The following ZNF469 variants were observed in gnomAD, a reference collection of about 807,000 sequenced individuals.
ZNF469 encodes zinc finger protein 469.
ZNF469 carries 1 observed loss-of-function variant against 1.0 expected under a neutral mutation model. The observed-to-expected ratio is 1.00, with a 90% confidence interval of 0.35 to 4.73. The LOEUF (loss-of-function observed/expected upper bound fraction) is 4.73. Among genes scored for constraint, ZNF469 ranks in the 30% most tolerant of loss-of-function variants. The pLI is 0.16. For synonymous variants in ZNF469, 2,703 were observed against 2,363.4 expected, an observed-to-expected ratio of 1.14 and a Z score of -4.17; for missense variants, 6,100 against 5,356.3, an observed-to-expected ratio of 1.14 and a Z score of -4.33.
At chr16:88,296,677 C>A in the ZNF469 span, among the ~76,000 whole-genome samples, 6 of 152,042 alleles carry the variant, frequency 3.9e-5, no homozygotes, top group Admixed American at 1.3e-4. Flanking sequence ...CACTCATGCA[C>A]ACTCGTGCAC....
the ZNF469 span, among the ~76,000 whole-genome samples, chr16:88,377,489 C>T: frequency 1.3e-5 from 2 of 152,232 alleles, no homozygotes; most frequent in African/African-American, 4.8e-5. Flanking sequence ...CAGCTTTTTG[C>T]TCTCGACTGG....
At chr16:88,231,689 A>ACCT in the ZNF469 span, among the ~76,000 whole-genome samples, 1 of 150,712 alleles carries the variant, frequency 6.6e-6, no homozygotes, top group African/African-American at 2.4e-5. The surrounding 1 kb of genome is among the most constrained non-coding windows in gnomAD (Gnocchi z 4.5). Context: ...TCCTTCTCAC[A>ACCT]CCTCCTCCTC....
chr16:88,288,482 C>T, the ZNF469 span, among the ~76,000 whole-genome samples: 1 of 152,208 alleles, frequency 6.6e-6, no homozygotes, highest in Non-Finnish European at 1.5e-5. Context: ...ATCATCAAGG[C>T]TACACTCTAT....
In ZNF469 at chr16:88,438,749, A is replaced by G; in HGVS notation, c.11279A>G (p.Glu3760Gly). ...PQPASGQLQS[E>G]TATTPAKPSF... ...CCAGCCAGCGGGCAGCTCCAGAGCG[A>G]GACAGCCACCACCCCAGCCAAGCCC... is the stretch of plus-strand genomic sequence containing the variant. The change falls in exon 3 of 3, where the codon GAG (glutamate) becomes GGG (glycine). Residue 3760 changes from glutamate (E) to glycine (G), a missense_variant. By Grantham distance (98) the Glu-to-Gly change is moderately conservative. Coordinates refer to ENST00000565624, the MANE Select transcript of ZNF469 (RefSeq NM_001367624.2). The G allele has an allele frequency of 6.5e-7, 1 of 1,550,014 alleles. No homozygotes were observed. Among genetic ancestry groups the G allele is most frequent in the Non-Finnish European group, 8.7e-7 (1 of 1,146,868 alleles).
chr16:88,404,083 A>T (rs774051857), intron 1 of ZNF469, among the ~76,000 whole-genome samples: 1 of 152,228 alleles, frequency 6.6e-6, no homozygotes, highest in Non-Finnish European at 1.5e-5. Flanking sequence ...CTTTAGAAAA[A>T]CAGTGATTGT....
chr16:88,102,875 G>C, the ZNF469 span, among the ~76,000 whole-genome samples: 1 of 152,262 alleles, frequency 6.6e-6, no homozygotes, highest in African/African-American at 2.4e-5. Context: ...TGCAGCCTCT[G>C]TGGTGACACG....
At chr16:88,143,442 G>A in the ZNF469 span, among the ~76,000 whole-genome samples, 2 of 152,168 alleles carry the variant, frequency 1.3e-5, no homozygotes, top group African/African-American at 4.8e-5. Flanking sequence ...CTTGTTGCTG[G>A]GGGGATACAG....
intron 1 of ZNF469, among the ~76,000 whole-genome samples, chr16:88,422,769 TGG>T (rs1905524525): frequency 7.2e-6 from 1 of 138,024 alleles, no homozygotes; most frequent in African/African-American, 2.9e-5. Flanking sequence ...GATGGATGGA[TGG>T]ATGGATGGTT....
In ZNF469 at chr16:88,437,694, C is replaced by T. The variant is rs752225566; in HGVS notation, c.10224C>T (p.Ala3408=). The part of the protein sequence containing the change: ...HTPLYACELC[A]TVMRIIKKSF... ...CGCTGTATGCCTGCGAGCTCTGCGC[C>T]ACGGTTATGCGCATCATCAAGAAGT... The change falls in exon 3 of 3, where the codon GCC becomes GCT. Residue 3408 remains alanine (A), a synonymous_variant. Transcript: ENST00000565624. 5.8e-6 allele frequency: 9 copies of T among 1,549,638 alleles called. No homozygotes were observed. In the South Asian group the frequency reaches 1.1e-4, roughly 18 times the overall value.
the ZNF469 span, among the ~76,000 whole-genome samples, chr16:88,180,401 G>T: frequency 1.3e-5 from 2 of 152,338 alleles, no homozygotes; most frequent in Admixed American, 1.3e-4. Flanking sequence ...CTGGGGCGGA[G>T]ATGTTAGTAT....
At chr16:88,135,748 G>GTTTTATTCTTTTTTTTTTTTTTTTTTTTT in the ZNF469 span, among the ~76,000 whole-genome samples, 2 of 66,926 alleles carry the variant, frequency 3.0e-5, 1 homozygote. Context: ...AGCTGGCCAT[G>GTTTTATTCTTTTTTTTTTTTTTTTTTTTT]TTTTTTTTTT....
chr16:88,371,668 T>C, the ZNF469 span, among the ~76,000 whole-genome samples: 5 of 152,184 alleles, frequency 3.3e-5, no homozygotes, highest in Admixed American at 6.5e-5. Context: ...CCTTGTTCCA[T>C]CTCTTCCTCA....
chr16:88,414,806 G>C (rs1265133223), intron 1 of ZNF469, among the ~76,000 whole-genome samples: 1 of 152,242 alleles, frequency 6.6e-6, no homozygotes, highest in Non-Finnish European at 1.5e-5. Context: ...AGAGGTCCAC[G>C]CAGGACAGCC....
chr16:88,282,677 TG>T, the ZNF469 span, among the ~76,000 whole-genome samples: 2 of 152,222 alleles, frequency 1.3e-5, no homozygotes, highest in Admixed American at 1.3e-4. Flanking sequence ...AGCAGCTTTA[TG>T]CAGTGCAGAG....
At chr16:88,123,580 G>C in the ZNF469 span, among the ~76,000 whole-genome samples, 1 of 152,198 alleles carries the variant, frequency 6.6e-6, no homozygotes, top group Non-Finnish European at 1.5e-5. Context: ...GAGGGCCTAG[G>C]AGGATAATTG....
At chr16:88,180,725 C>G in the ZNF469 span, among the ~76,000 whole-genome samples, 1 of 151,074 alleles carries the variant, frequency 6.6e-6, no homozygotes, top group Non-Finnish European at 1.5e-5. Flanking sequence ...AGTGAGCCAA[C>G]GTGGTCCCAC....
chr16:88,439,239 G>T lies in ZNF469; in HGVS notation c.11769G>T (p.Arg3923=). ...GAEPAEPHTH[R]TAEAQSDLLS... ...AACCTGCCGAGCCACACACCCACCG[G>T]ACGGCCGAGGCCCAGAGTGACCTCC... is the stretch of plus-strand genomic sequence containing the variant. The change falls in exon 3 of 3, where the codon CGG becomes CGT. Residue 3923 remains arginine (R), a synonymous_variant. Transcript: ENST00000565624. 6.4e-7 allele frequency: 1 copy of T among 1,550,492 alleles called. No individual in the cohort carries two copies.
intron 1 of ZNF469, among the ~76,000 whole-genome samples, chr16:88,415,480 A>G (rs781715904): frequency 5.9e-5 from 9 of 152,176 alleles, no homozygotes; most frequent in Non-Finnish European, 1.2e-4. Flanking sequence ...TGCTGTGCCC[A>G]TTTTACAGCT....
At chr16:88,251,715 C>T in the ZNF469 span, among the ~76,000 whole-genome samples, 47,821 of 151,296 alleles carry the variant, frequency 0.32, 8,064 homozygotes, top group Middle Eastern at 0.46. Context: ...CATACCACCA[C>T]ACCTGGCTAA....
Sources: gnomAD v4.1 joint callset for allele counts (sites outside exome capture counted in the v4.1 genomes callset) on GRCh38, gnomAD v4.1.1 for gene constraint, Gnocchi (gnomAD v3.1) non-coding constraint, MANE v1.5 for transcripts, NCBI Gene and HGNC (gene_info 2026-07-23, HGNC 2026-07-21) for gene names.